BRDT: variants seen among roughly 807,000 people sequenced by gnomAD.
BRDT encodes bromodomain testis associated, also known as bromodomain testis-specific protein.
Under a neutral mutation model 113.9 loss-of-function variants are expected in BRDT, and 77 were observed. The ratio of observed to expected loss-of-function variants is 0.68; its 90% CI spans 0.56 to 0.82. BRDT has a LOEUF of 0.82. Ranked by LOEUF, BRDT falls within the 40% of genes least tolerant of loss-of-function variation. BRDT has a pLI of 0.00. For synonymous variants in BRDT, 358 were observed against 366.5 expected, an observed-to-expected ratio of 0.98 and a Z score of 0.26; for missense variants, 1,027 against 1,105.4, an observed-to-expected ratio of 0.93 and a Z score of 1.01.
At position 91,962,865 on chromosome 1, in the gene BRDT, A is replaced by C; in HGVS notation, c.111A>C (p.Lys37Asn). 1 of 1,613,308 alleles carries C rather than the reference A, an allele frequency of 6.2e-7. No homozygotes were observed. The highest frequency in any genetic ancestry group is 2.2e-5 in the East Asian group (1 of 44,868). Residue 37 changes from lysine (K) to asparagine (N), a missense_variant, in exon 2 of 19, where the codon AAA becomes AAC. Transcript: ENST00000399546. ...CAAATCAACTTCAGTATCTACAAAA[A>C]GTTGTCCTAAAGGATTTATGGAAGC... ...RLTNQLQYLQ[K>N]VVLKDLWKHS... is the part of the protein sequence containing the mutation.
At chr1:92,000,296 T>G (rs1287641537) in intron 15 of BRDT, among the ~76,000 whole-genome samples, 1 of 152,244 alleles carries the variant, frequency 6.6e-6, no homozygotes, top group Non-Finnish European at 1.5e-5. Flanking sequence ...TACATACTTT[T>G]TCTCCTTCCT....
rs766138656 is a variant in BRDT, at chr1:91,964,743, A to G, written c.309A>G (p.Ser103=). ...TAGAAGACTTCAATACAATGTTCTC[A>G]AATTGTTATTTATATAACAAGGTAT... ...ECIEDFNTMF[S]NCYLYNKPGD... Residue 103 remains serine (S), a synonymous_variant, in exon 3 of 19, where the codon TCA becomes TCG. Transcript: ENST00000399546. The G allele has an allele frequency of 6.8e-7, 1 of 1,479,992 alleles. No individual in the cohort carries two copies. Among genetic ancestry groups the G allele is most frequent in the Non-Finnish European group, 9.1e-7 (1 of 1,094,570 alleles). 91.7% of individuals were successfully genotyped at this position (1,479,992 alleles called of 1,614,324 possible). A position where few individuals can be genotyped will look rare whatever the true frequency, so the allele number is the denominator to read the frequency against.
intron 12 of BRDT, among the ~76,000 whole-genome samples, chr1:91,988,284 A>G (rs192315914): frequency 6.6e-6 from 1 of 152,364 alleles, no homozygotes; most frequent in Non-Finnish European, 1.5e-5. Flanking sequence ...AATAGTGCAT[A>G]TATTATCCAC....
intron 1 of BRDT, chr1:91,950,917 T>G (rs1460811073): frequency 1.3e-5 from 2 of 150,900 alleles, no homozygotes; most frequent in Non-Finnish European, 2.9e-5. Context: ...CCTAGCTAGT[T>G]GGGAGGCTGA....
chr1:91,949,576 G>T lies in BRDT; in HGVS notation c.-144G>T, dbSNP rs552289875. On this transcript the variant is annotated 5_prime_UTR_variant, in exon 1 of 19. Coordinates refer to ENST00000399546, the MANE Select transcript of BRDT (RefSeq NM_207189.4). ...AGGCCGGCCCCGAGGTGCGGCCTTG[G>T]GTGGGAACAACCGTTTTTTCCCCCC... 4 of 152,386 alleles carry T rather than the reference G, an allele frequency of 2.6e-5. No individual in the cohort carries two copies. Among genetic ancestry groups the T allele is most frequent in the African/African-American group, 9.6e-5 (4 of 41,556 alleles). The allele number at this position is 152,386 out of a possible 1,614,324, so 9.4% of individuals were successfully genotyped here.
chr1:91,963,253 C>T lies in BRDT; in HGVS notation c.192+307C>T, dbSNP rs546875684. On this transcript the variant is annotated intron_variant, in intron 2 of 18. Transcript: ENST00000399546. ...AGGAGAATCTCTTGAACCTGGGAGG[C>T]GGAGGTTGTGGTAAGCCGAGATTGT... 4.3e-4 allele frequency among the ~76,000 whole-genome samples: 65 copies of T among 152,104 alleles called. 1 individual carries two copies. The highest frequency in any genetic ancestry group is 4.4e-5 in the Non-Finnish European group (3 of 67,988).
chr1:92,013,559 G>T (rs1196586010), intron 18 of BRDT, among the ~76,000 whole-genome samples: 1 of 152,190 alleles, frequency 6.6e-6, no homozygotes, highest in East Asian at 1.9e-4. Flanking sequence ...AGGGCAGTTA[G>T]AAAAGGCTTC....
intron 18 of BRDT, among the ~76,000 whole-genome samples, chr1:92,005,963 A>T (rs1251421047): frequency 6.6e-6 from 1 of 152,226 alleles, no homozygotes; most frequent in East Asian, 1.9e-4. Flanking sequence ...ATAATATTTT[A>T]AAAGCTACAG....
chr1:92,003,715 AC>A lies in BRDT; in HGVS notation c.2389-698del, dbSNP rs1687047891. Reference sequence around the variant, plus strand: ...TTAGCATTTGAAGTTGAAATGTCCTACAAATGTAAATTGGGATGACTTAGTA... The same window carrying A: ...TTAGCATTTGAAGTTGAAATGTCCTAAAATGTAAATTGGGATGACTTAGTA... On this transcript the variant is annotated intron_variant, in intron 16 of 18. Coordinates refer to ENST00000399546, the MANE Select transcript of BRDT (RefSeq NM_207189.4). Among the ~76,000 whole-genome samples the A allele has an allele frequency of 2.0e-5, 3 of 152,338 alleles. No individual in the cohort carries two copies. In the South Asian group the frequency reaches 6.2e-4, roughly 32 times the overall value.
At position 92,014,266 on chromosome 1, in the gene BRDT, T is replaced by G. The variant is rs1688034283; in HGVS notation, c.2836T>G (p.Phe946Val). ...SDIMTMFENN[F>V]D Reference sequence around the variant, plus strand: ...CATTATGACAATGTTTGAAAACAACTTTGATTAAAACTCAGTTTTTAAATT... The same window carrying G: ...CATTATGACAATGTTTGAAAACAACGTTGATTAAAACTCAGTTTTTAAATT... The change falls in exon 19 of 19, where the codon TTT (phenylalanine) becomes GTT (valine). Residue 946 changes from phenylalanine (F) to valine (V), a missense_variant. Coordinates refer to ENST00000399546, the MANE Select transcript of BRDT (RefSeq NM_207189.4). 6.3e-6 allele frequency: 10 copies of G among 1,587,818 alleles called. No homozygotes were observed. The highest frequency in any genetic ancestry group is 8.6e-6 in the Non-Finnish European group (10 of 1,169,128).
In BRDT at chr1:91,979,665, A is replaced by C. The variant is rs750531243; in HGVS notation, c.1195A>C (p.Arg399=). ...IKTDITETTG[R]ENTNEASSEG... is the part of the protein sequence containing the mutation. Reference sequence around the variant, plus strand: ...AACAGATATCACAGAAACCACTGGTAGAGAGAACACTAATGAAGCCTCCTC... The same window carrying C: ...AACAGATATCACAGAAACCACTGGTCGAGAGAACACTAATGAAGCCTCCTC... Residue 399 remains arginine (R), a synonymous_variant, in exon 8 of 19, where the codon AGA becomes CGA. Transcript: ENST00000399546. The C allele has an allele frequency of 6.2e-7, 1 of 1,614,126 alleles. No homozygotes were observed. The highest frequency in any genetic ancestry group is 1.1e-5 in the South Asian group (1 of 91,080).
intron 18 of BRDT, 59 bp from the exon 19 acceptor site, chr1:92,014,147 A>T: frequency 9.3e-7 from 1 of 1,076,318 alleles, no homozygotes; most frequent in South Asian, 1.5e-5. Context: ...ATTATTGTAT[A>T]GTTGTAGTAA....
chr1:91,989,181 AGTAGAACACCAATCTG>A (rs143013938), intron 12 of BRDT, among the ~76,000 whole-genome samples: 15,825 of 151,132 alleles, frequency 0.1, 1,253 homozygotes, highest in East Asian at 0.4. Flanking sequence ...TTTTTTTTTT[AGTAGAACACCAATCTG>A]GTATGTCATA....
Position 91,979,696 on chromosome 1 carries a change from G to C in BRDT, c.1226G>C (p.Gly409Ala). Residue 409 changes from glycine to alanine, a missense_variant, in exon 8 of 19, where the codon GGG (glycine) becomes GCG (alanine). Gly to Ala is a moderately conservative substitution (Grantham distance 60). Coordinates refer to ENST00000399546, the MANE Select transcript of BRDT (RefSeq NM_207189.4). ...RENTNEASSEGNSSDDSEDER... is the reference protein window; with the variant it reads ...RENTNEASSEANSSDDSEDER... ...AACACTAATGAAGCCTCCTCTGAAGGGAACTCTTCTGATGATTCTGAAGAT... is the reference window on the plus strand; with the variant it reads ...AACACTAATGAAGCCTCCTCTGAAGCGAACTCTTCTGATGATTCTGAAGAT... The C allele has an allele frequency of 1.2e-6, 2 of 1,613,838 alleles. No homozygotes were observed.
chr1:91,964,892 T>A, intron 3 of BRDT, 128 bp downstream of exon 3: 1 of 515,080 alleles, frequency 1.9e-6, no homozygotes, highest in Non-Finnish European at 3.0e-6. Context: ...TGTGTGTGTG[T>A]GTGTGTGTGT....
At chr1:92,004,710 T>C (rs1557865467) in intron 17 of BRDT, 91 bp downstream of exon 17, 8 of 1,193,280 alleles carry the variant, frequency 6.7e-6, no homozygotes, top group Non-Finnish European at 9.2e-6. Flanking sequence ...TGACTATGAT[T>C]CAACTGTTTA....
chr1:91,974,269 G>A (rs1021845398), intron 4 of BRDT, among the ~76,000 whole-genome samples: 1 of 152,142 alleles, frequency 6.6e-6, no homozygotes, highest in Non-Finnish European at 1.5e-5. Context: ...GGCAACAAAA[G>A]CCGAAATAGA....
At chr1:91,991,669 A>G (rs375531761) in intron 13 of BRDT, among the ~76,000 whole-genome samples, 31 of 152,328 alleles carry the variant, frequency 2.0e-4, no homozygotes, top group East Asian at 1.4e-3. Flanking sequence ...TGGCACATCT[A>G]TGTTTGACTA....
At chr1:92,008,496 CATT>C (rs1275260335) in intron 18 of BRDT, among the ~76,000 whole-genome samples, 1 of 152,156 alleles carries the variant, frequency 6.6e-6, no homozygotes, top group Non-Finnish European at 1.5e-5. Context: ...GTCAATACAT[CATT>C]GTCAGCCTTA....
Sources: gnomAD v4.1 joint callset for allele counts (sites outside exome capture counted in the v4.1 genomes callset) on GRCh38, gnomAD v4.1.1 for gene constraint, MANE v1.5 for transcripts, NCBI Gene and HGNC (gene_info 2026-07-23, HGNC 2026-07-21) for gene names.